The following SCFD2 variants were observed in gnomAD, a reference collection of about 807,000 sequenced individuals.
The protein encoded by SCFD2 is sec1 family domain containing 2.
SCFD2 carries 54 observed loss-of-function variants against 58.9 expected under a neutral mutation model. That is an observed-to-expected ratio of 0.92 (90% CI 0.74 to 1.15). The LOEUF is 1.15. Among genes scored for constraint, SCFD2 ranks in the 50% most tolerant of loss-of-function variants. The pLI is 0.00. For missense variants in SCFD2, 805 were observed against 836.6 expected (o/e 0.96, Z 0.47); for synonymous variants, 321 against 335.9 (o/e 0.96, Z 0.49).
intron 6 of SCFD2, among the ~76,000 whole-genome samples, chr4:52,913,998 G>C (rs1436392530): frequency 6.6e-6 from 1 of 152,218 alleles, no homozygotes; most frequent in Admixed American, 6.5e-5. Flanking sequence ...ACACTGTTAA[G>C]TTTTGATTGG....
At chr4:53,131,522 G>T (rs965208699) in intron 5 of SCFD2, among the ~76,000 whole-genome samples, 6 of 152,184 alleles carry the variant, frequency 3.9e-5, no homozygotes, top group African/African-American at 9.7e-5. Context: ...AGGAAGAGCT[G>T]ATTTGGAAGT....
chr4:53,165,948 T>A (rs1726993316), intron 4 of SCFD2, among the ~76,000 whole-genome samples: 1 of 152,236 alleles, frequency 6.6e-6, no homozygotes, highest in Non-Finnish European at 1.5e-5. Context: ...GAATTTGCTA[T>A]CTTTATTAGT....
chr4:53,117,858 T>C (rs769364775), intron 5 of SCFD2, among the ~76,000 whole-genome samples: 1 of 152,160 alleles, frequency 6.6e-6, no homozygotes, highest in Non-Finnish European at 1.5e-5. Context: ...AAAACGGTAA[T>C]CAGCTAGATT....
chr4:53,007,985 A>C (rs770399312), intron 5 of SCFD2, among the ~76,000 whole-genome samples: 4 of 152,214 alleles, frequency 2.6e-5, no homozygotes, highest in African/African-American at 4.8e-5. Flanking sequence ...GCTGGAGAGC[A>C]AAAAGGAGAG....
At chr4:53,004,700 T>C (rs973844379) in intron 5 of SCFD2, among the ~76,000 whole-genome samples, 1 of 152,210 alleles carries the variant, frequency 6.6e-6, no homozygotes, top group Admixed American at 6.5e-5. Flanking sequence ...GGTTCAACAC[T>C]TGCAAATACG....
At chr4:52,938,352 CA>C (rs1341354565) in intron 5 of SCFD2, among the ~76,000 whole-genome samples, 3 of 152,114 alleles carry the variant, frequency 2.0e-5, no homozygotes, top group African/African-American at 7.2e-5. Context: ...GCCCAGAGCC[CA>C]GACTCCTAAA....
chr4:53,316,911 C>T (rs1732881332), intron 2 of SCFD2, among the ~76,000 whole-genome samples: 1 of 151,924 alleles, frequency 6.6e-6, no homozygotes, highest in Admixed American at 6.6e-5. Context: ...AGTTTGAAAC[C>T]AGCCTGACCA....
At chr4:53,248,800 T>A (rs528729101) in intron 4 of SCFD2, among the ~76,000 whole-genome samples, 3 of 152,134 alleles carry the variant, frequency 2.0e-5, no homozygotes, top group South Asian at 4.2e-4. Flanking sequence ...CAAAAACCCA[T>A]CTGTACATCA....
chr4:53,220,982 T>G (rs149857241), intron 4 of SCFD2, among the ~76,000 whole-genome samples: 1 of 152,232 alleles, frequency 6.6e-6, no homozygotes, highest in East Asian at 1.9e-4. Context: ...ACTTTAATCA[T>G]AGAAAAAAAT....
At chr4:53,169,354 T>C (rs1276477979) in intron 4 of SCFD2, among the ~76,000 whole-genome samples, 1 of 152,096 alleles carries the variant, frequency 6.6e-6, no homozygotes, top group Non-Finnish European at 1.5e-5. Flanking sequence ...AGAGCGAGAC[T>C]CTGACTCAAA....
chr4:53,302,779 C>G (rs547297509), intron 3 of SCFD2, among the ~76,000 whole-genome samples: 2 of 152,112 alleles, frequency 1.3e-5, no homozygotes, highest in South Asian at 4.2e-4. Context: ...CAGAACAGAG[C>G]CCTCAGAAAT....
At chr4:52,983,672 T>C (rs918802478) in intron 5 of SCFD2, among the ~76,000 whole-genome samples, 3 of 152,234 alleles carry the variant, frequency 2.0e-5, no homozygotes, top group African/African-American at 7.2e-5. Context: ...CCCTCTTCAG[T>C]AATTTGCCTA....
intron 4 of SCFD2, among the ~76,000 whole-genome samples, chr4:53,177,998 C>T (rs146223016): frequency 6.6e-6 from 1 of 152,176 alleles, no homozygotes; most frequent in South Asian, 2.1e-4. Flanking sequence ...ATTAGGTAAA[C>T]AAAGTGGATG....
chr4:53,177,051 G>T (rs1727360038), intron 4 of SCFD2, among the ~76,000 whole-genome samples: 1 of 151,636 alleles, frequency 6.6e-6, no homozygotes, highest in Non-Finnish European at 1.5e-5. Context: ...TCTGTTTCCT[G>T]TTCCCTTTTT....
intron 4 of SCFD2, among the ~76,000 whole-genome samples, chr4:53,199,211 A>C (rs1728151043): frequency 1.3e-5 from 2 of 152,170 alleles, no homozygotes; most frequent in South Asian, 4.1e-4. Flanking sequence ...AGAAGGCAGC[A>C]TTTCCTTCTA....
At chr4:53,019,655 T>G (rs1424914270) in intron 5 of SCFD2, among the ~76,000 whole-genome samples, 1 of 152,154 alleles carries the variant, frequency 6.6e-6, no homozygotes, top group Non-Finnish European at 1.5e-5. Context: ...TGAAATTCTT[T>G]CCTTCTGTGA....
chr4:53,354,814 G>A (rs1208355578), intron 1 of SCFD2, among the ~76,000 whole-genome samples: 1 of 149,590 alleles, frequency 6.7e-6, no homozygotes, highest in African/African-American at 2.5e-5. Context: ...TTTTTTTAGA[G>A]GCAGAGTCTC....
At chr4:52,899,721 C>T (rs1231459120) in intron 7 of SCFD2, among the ~76,000 whole-genome samples, 8 of 152,210 alleles carry the variant, frequency 5.3e-5, no homozygotes, top group Non-Finnish European at 1.2e-4. Context: ...GGGAAGTTCT[C>T]CTGGATAATA....
At chr4:52,910,002 AC>A (rs2109474043) in intron 6 of SCFD2, among the ~76,000 whole-genome samples, 1 of 152,330 alleles carries the variant, frequency 6.6e-6, no homozygotes, top group African/African-American at 2.4e-5. Context: ...AAGCTCCTCC[AC>A]AAGAAGTCCT....
Sources: allele counts gnomAD v4.1 joint callset (sites outside exome capture counted in the v4.1 genomes callset), GRCh38; gene constraint gnomAD v4.1.1; transcripts MANE v1.5; gene names NCBI Gene and HGNC (gene_info 2026-07-23, HGNC 2026-07-21).